Variants in RIN2 observed in about 807,000 individuals in gnomAD.
The protein encoded by RIN2 is RAB5 interacting protein 2.
RIN2 carries 36 observed loss-of-function variants against 78.0 expected under a neutral mutation model. That is an observed-to-expected ratio of 0.46 (90% CI 0.35 to 0.61). RIN2 has a LOEUF of 0.61. Ranked by LOEUF, RIN2 falls within the 20% of genes least tolerant of loss-of-function variation. RIN2 has a pLI of 0.00. For synonymous variants in RIN2, 466 were observed against 466.8 expected, an observed-to-expected ratio of 1.00 and a Z score of 0.02; for missense variants, 1,087 against 1,159.7, an observed-to-expected ratio of 0.94 and a Z score of 0.91.
chr20:19,867,998 A>C (rs995412616), intron 2 of RIN2, among the ~76,000 whole-genome samples: 8 of 152,338 alleles, frequency 5.3e-5, no homozygotes, highest in East Asian at 1.9e-4. Context: ...AAAAGCCATC[A>C]GTGTCGTCAT....
At chr20:19,999,867 A>G (rs141979331) in intron 12 of RIN2, among the ~76,000 whole-genome samples, 1 of 152,308 alleles carries the variant, frequency 6.6e-6, no homozygotes, top group East Asian at 1.9e-4. Flanking sequence ...TCTCCTTCTG[A>G]CTTTTTCCAC....
At chr20:19,805,630 G>A (rs1397357337) in intron 2 of RIN2, among the ~76,000 whole-genome samples, 1 of 152,074 alleles carries the variant, frequency 6.6e-6, no homozygotes, top group Non-Finnish European at 1.5e-5. Flanking sequence ...TCAAACTCTT[G>A]ATCTCAGATG....
intron 2 of RIN2, among the ~76,000 whole-genome samples, chr20:19,853,014 C>T (rs1373975228): frequency 6.6e-6 from 1 of 150,868 alleles, no homozygotes; most frequent in Admixed American, 6.6e-5. Flanking sequence ...GGTATATCTC[C>T]TAATGCTATG....
intron 4 of RIN2, among the ~76,000 whole-genome samples, chr20:19,937,310 T>C (rs545908389): frequency 6.6e-6 from 1 of 151,386 alleles, no homozygotes; most frequent in East Asian, 1.9e-4. Flanking sequence ...GGTAGCAGAG[T>C]TGCTTTCAGC....
chr20:19,854,989 C>T (rs2037118295), intron 2 of RIN2, among the ~76,000 whole-genome samples: 1 of 152,160 alleles, frequency 6.6e-6, no homozygotes, highest in African/African-American at 2.4e-5. Flanking sequence ...CCAGTTTTTG[C>T]CCATTCAGTA....
intron 7 of RIN2, among the ~76,000 whole-genome samples, chr20:19,966,414 C>T (rs572909388): frequency 1.3e-5 from 2 of 151,956 alleles, no homozygotes; most frequent in East Asian, 3.9e-4. Context: ...CCTCCACCTC[C>T]TTGGGTTCAA....
intron 3 of RIN2, among the ~76,000 whole-genome samples, chr20:19,902,264 C>T (rs2079958347): frequency 6.6e-6 from 1 of 152,146 alleles, no homozygotes; most frequent in South Asian, 2.1e-4. Flanking sequence ...ACTCCTCCGA[C>T]TCTCCTTGAG....
At chr20:19,837,779 C>A (rs2036466709) in intron 2 of RIN2, among the ~76,000 whole-genome samples, 1 of 151,116 alleles carries the variant, frequency 6.6e-6, no homozygotes, top group African/African-American at 2.4e-5. Flanking sequence ...TTCTTCCTTT[C>A]CCTCTCTTTT....
chr20:19,782,075 T>C (rs2122534599), intron 1 of RIN2, among the ~76,000 whole-genome samples: 1 of 152,296 alleles, frequency 6.6e-6, no homozygotes, highest in East Asian at 1.9e-4. Context: ...TATCTGGGCT[T>C]GCACATGACC....
intron 6 of RIN2, among the ~76,000 whole-genome samples, chr20:19,961,418 A>G (rs2041743207): frequency 6.6e-6 from 1 of 152,096 alleles, no homozygotes; most frequent in African/African-American, 2.4e-5. Flanking sequence ...GGGAGGCCAA[A>G]TTTTAAATAA....
At chr20:19,821,343 G>A (rs1367714754) in intron 2 of RIN2, among the ~76,000 whole-genome samples, 2 of 152,064 alleles carry the variant, frequency 1.3e-5, no homozygotes, top group East Asian at 3.9e-4. Flanking sequence ...CTCAAATCCT[G>A]TATCCCATAA....
At chr20:19,791,446 T>A (rs2034886729) in intron 1 of RIN2, among the ~76,000 whole-genome samples, 4 of 152,188 alleles carry the variant, frequency 2.6e-5, no homozygotes, top group Admixed American at 1.3e-4. Flanking sequence ...CTTAGCTTGA[T>A]CTTTGAAAGA....
chr20:19,961,184 G>A (rs997055906), intron 6 of RIN2, among the ~76,000 whole-genome samples: 8 of 152,134 alleles, frequency 5.3e-5, no homozygotes, highest in Non-Finnish European at 8.8e-5. Flanking sequence ...GCCCTTTCAC[G>A]CTAATCCTAA....
intron 1 of RIN2, among the ~76,000 whole-genome samples, chr20:19,797,510 C>A (rs1600479255): frequency 6.6e-6 from 1 of 152,154 alleles, no homozygotes. Flanking sequence ...CAACAGGCTC[C>A]CTTTACTCTG....
chr20:19,831,960 G>T (rs1335027366), intron 2 of RIN2, among the ~76,000 whole-genome samples: 2 of 152,074 alleles, frequency 1.3e-5, no homozygotes, highest in African/African-American at 2.4e-5. Context: ...TTCTAGCAAT[G>T]AATAATAACA....
At chr20:19,947,059 CATAATT>C (rs1190851225) in intron 4 of RIN2, among the ~76,000 whole-genome samples, 1 of 150,702 alleles carries the variant, frequency 6.6e-6, no homozygotes, top group African/African-American at 2.4e-5. Context: ...GTATCTTTAC[CATAATT>C]AGGAAACACA....
In RIN2 at chr20:19,834,949, G is replaced by C. The variant is rs530178266; in HGVS notation, c.-37+35202G>C. ...ACAGAGCAGGACCCTGTGAAGAAAA[G>C]AGAGAGAGAGAGAGAGAGAAAGAAA... On this transcript the variant is annotated intron_variant, in intron 2 of 12. Transcript: ENST00000255006. Among the ~76,000 whole-genome samples, 25 of 142,760 alleles carry C rather than the reference G, an allele frequency of 1.8e-4. No individual in the cohort carries two copies. The South Asian group carries it at 4.9e-3, about 28-fold the overall frequency. 93.7% of individuals were successfully genotyped at this position (142,760 alleles called of 152,430 possible).
At chr20:19,811,532 G>A (rs2122806991) in intron 2 of RIN2, among the ~76,000 whole-genome samples, 1 of 152,312 alleles carries the variant, frequency 6.6e-6, no homozygotes, top group East Asian at 1.9e-4. Flanking sequence ...AGTGGGTGTG[G>A]AGGGGACAAG....
chr20:19,954,364 T>A (rs772924330), intron 4 of RIN2, among the ~76,000 whole-genome samples: 20 of 152,184 alleles, frequency 1.3e-4, no homozygotes, highest in Non-Finnish European at 2.2e-4. Flanking sequence ...AACCTGCTTG[T>A]TTGGACATGA....
Sources: gnomAD v4.1 joint callset for allele counts (sites outside exome capture counted in the v4.1 genomes callset) on GRCh38, gnomAD v4.1.1 for gene constraint, MANE v1.5 for transcripts, NCBI Gene and HGNC (gene_info 2026-07-23, HGNC 2026-07-21) for gene names.